Variants in CNTNAP4 observed in about 807,000 individuals in gnomAD.
CNTNAP4 encodes the protein contactin-associated protein-like 4.
A neutral mutation model predicts 148.4 loss-of-function variants in CNTNAP4; 98 were observed. The observed-to-expected ratio is 0.66, with a 90% CI of 0.56 to 0.78. The LOEUF (loss-of-function observed/expected upper bound fraction) is 0.78. Among genes scored for constraint, CNTNAP4 ranks in the 30% least tolerant of loss-of-function variants. CNTNAP4 has a pLI of 0.00. For synonymous variants in CNTNAP4, 730 were observed against 565.1 expected (o/e 1.29, Z -4.14); for missense variants, 1,935 against 1,565.6 (o/e 1.24, Z -3.98).
intron 7 of CNTNAP4, among the ~76,000 whole-genome samples, chr16:76,451,023 C>A (rs954136240): frequency 6.6e-6 from 1 of 152,176 alleles, no homozygotes; most frequent in Non-Finnish European, 1.5e-5. Flanking sequence ...CAGTTGTTGC[C>A]TGTGGGTAGC....
chr16:76,403,617 C>A (rs983497014), intron 3 of CNTNAP4, among the ~76,000 whole-genome samples: 1 of 152,142 alleles, frequency 6.6e-6, no homozygotes, highest in African/African-American at 2.4e-5. Context: ...ATTAATTCAA[C>A]CATTGTGGAA....
At chr16:76,525,678 T>G (rs2083696602) in intron 17 of CNTNAP4, among the ~76,000 whole-genome samples, 2 of 146,274 alleles carry the variant, frequency 1.4e-5, no homozygotes, top group Non-Finnish European at 3.0e-5. Flanking sequence ...ATAATTTATA[T>G]ATAAACATAT....
rs766450399 is a variant in CNTNAP4 at position 76,558,861 on chromosome 16, A to G, written c.*178A>G. The G allele has an allele frequency of 3.5e-5, 17 of 483,728 alleles. No individual in the cohort carries two copies. The highest frequency in any genetic ancestry group is 9.9e-5 in the African/African-American group (5 of 50,666). The allele number at this position is 483,728 out of a possible 1,614,324, so 30.0% of individuals were successfully genotyped here. On this transcript the variant is annotated 3_prime_UTR_variant, in exon 24 of 24. Transcript: ENST00000611870. ...AGCCTCGTCCAGTGATATATTTCTCATAGCATTCATTCTATGGAACAAGAA... is the reference window on the plus strand; with the variant it reads ...AGCCTCGTCCAGTGATATATTTCTCGTAGCATTCATTCTATGGAACAAGAA...
At chr16:76,517,255 G>T (rs562518677) in intron 15 of CNTNAP4, among the ~76,000 whole-genome samples, 2 of 152,190 alleles carry the variant, frequency 1.3e-5, no homozygotes, top group Non-Finnish European at 1.5e-5. Flanking sequence ...GAAGGATGAA[G>T]AATACTGTGG....
At chr16:76,389,433 G>GT (rs1001408222) in intron 3 of CNTNAP4, among the ~76,000 whole-genome samples, 4 of 151,802 alleles carry the variant, frequency 2.6e-5, no homozygotes, top group East Asian at 3.9e-4. Flanking sequence ...GTGCTGTTTA[G>GT]TTTTTTTTGT....
chr16:76,527,542 G>T (rs995892593), intron 17 of CNTNAP4, among the ~76,000 whole-genome samples: 2 of 152,168 alleles, frequency 1.3e-5, no homozygotes, highest in Non-Finnish European at 2.9e-5. Flanking sequence ...TGGGGCAAAT[G>T]AATGAGGTAA....
chr16:76,367,507 A>G (rs1478486160), intron 3 of CNTNAP4, among the ~76,000 whole-genome samples: 1 of 152,214 alleles, frequency 6.6e-6, no homozygotes, highest in Non-Finnish European at 1.5e-5. Flanking sequence ...TTTAGCCTAT[A>G]TGATAGCAAT....
intron 13 of CNTNAP4, among the ~76,000 whole-genome samples, chr16:76,494,029 T>G (rs1224177379): frequency 6.6e-6 from 1 of 152,030 alleles, no homozygotes; most frequent in African/African-American, 2.4e-5. Flanking sequence ...GATTCTATGT[T>G]GCTTACATTC....
At position 76,277,520 on chromosome 16, in the gene CNTNAP4, G is replaced by A; in HGVS notation, c.-143G>A. Reference sequence around the variant, plus strand: ...GAGGAGGGAAGAAGAAAAGACGGAGGGAGGTGAGGAGGAAGGGAGGGGGAG... The same window carrying A: ...GAGGAGGGAAGAAGAAAAGACGGAGAGAGGTGAGGAGGAAGGGAGGGGGAG... On this transcript the variant is annotated 5_prime_UTR_variant, in exon 1 of 24. Transcript: ENST00000611870. 5.0e-6 allele frequency: 3 copies of A among 600,524 alleles called. No individual in the cohort carries two copies. Among genetic ancestry groups the A allele is most frequent in the South Asian group, 4.2e-5 (2 of 48,008 alleles). 37.2% of individuals were successfully genotyped at this position (600,524 alleles called of 1,614,324 possible). A position where few individuals can be genotyped will look rare whatever the true frequency, so the allele number is the denominator to read the frequency against.
intron 12 of CNTNAP4, among the ~76,000 whole-genome samples, chr16:76,487,132 T>A (rs1171490315): frequency 6.6e-6 from 1 of 152,224 alleles, no homozygotes; most frequent in African/African-American, 2.4e-5. Context: ...GCAATTCTAT[T>A]AGTTATCTAC....
rs1471258528 is a variant in CNTNAP4 at position 76,553,186 on chromosome 16, T to G, written c.3443-97T>G. 1.4e-5 allele frequency: 9 copies of G among 641,862 alleles called. No individual in the cohort carries two copies. In the East Asian group the frequency reaches 1.9e-4, roughly 14 times the overall value. The allele number at this position is 641,862 out of a possible 1,614,324, so 39.8% of individuals were successfully genotyped here. On this transcript the variant is annotated intron_variant, in intron 21 of 23. Coordinates refer to ENST00000611870, the MANE Select transcript of CNTNAP4 (RefSeq NM_033401.5). ...AAAATTAAAAAGGAATTTAGTAACTTTATTGCTATTGCATTAGCTCAGAAT... is the reference window on the plus strand; with the variant it reads ...AAAATTAAAAAGGAATTTAGTAACTGTATTGCTATTGCATTAGCTCAGAAT...
At chr16:76,284,583 TA>T (rs2143768872) in intron 1 of CNTNAP4, among the ~76,000 whole-genome samples, 1 of 152,092 alleles carries the variant, frequency 6.6e-6, no homozygotes, top group South Asian at 2.1e-4. Flanking sequence ...AATAGTAGTT[TA>T]CCCATAATTT....
intron 15 of CNTNAP4, among the ~76,000 whole-genome samples, chr16:76,514,951 C>T (rs1006350926): frequency 2.0e-5 from 3 of 152,034 alleles, no homozygotes; most frequent in African/African-American, 7.2e-5. Flanking sequence ...ACATTTAAAG[C>T]ATTTTTACTT....
At chr16:76,491,522 T>G (rs7195366) in intron 13 of CNTNAP4, among the ~76,000 whole-genome samples, 96,328 of 152,082 alleles carry the variant, frequency 0.63, 30,886 homozygotes, top group East Asian at 0.77. Context: ...CATTTCCAGC[T>G]CTCCAGGGCA....
intron 3 of CNTNAP4, among the ~76,000 whole-genome samples, chr16:76,374,798 C>A (rs565671288): frequency 2.0e-5 from 3 of 149,760 alleles, no homozygotes; most frequent in Non-Finnish European, 4.4e-5. Flanking sequence ...AGAGAAGTCT[C>A]GCTCTTGTCC....
At position 76,489,944 on chromosome 16, in the gene CNTNAP4, C is replaced by G. The variant is rs142263288; in HGVS notation, c.2080+61C>G. 72 of 1,158,662 alleles carry G rather than the reference C, an allele frequency of 6.2e-5. No individual in the cohort carries two copies. In the African/African-American group the frequency reaches 9.2e-4, roughly 15 times the overall value. The allele number at this position is 1,158,662 out of a possible 1,614,324, so 71.8% of individuals were successfully genotyped here. A position where few individuals can be genotyped will look rare whatever the true frequency, so the allele number is the denominator to read the frequency against. On this transcript the variant is annotated intron_variant, in intron 13 of 23. Coordinates refer to ENST00000611870, the MANE Select transcript of CNTNAP4 (RefSeq NM_033401.5). ...TCACATCATGCACTTACTCAACTAG[C>G]TCCTGAGAATTTTAAGTCTGCAAAG...
At chr16:76,292,834 G>C (rs112234292) in intron 1 of CNTNAP4, among the ~76,000 whole-genome samples, 46 of 152,100 alleles carry the variant, frequency 3.0e-4, no homozygotes, top group Non-Finnish European at 5.7e-4. Context: ...AAATGAAAAA[G>C]AAAACACTTC....
chr16:76,320,051 C>G (rs932852374), intron 2 of CNTNAP4, among the ~76,000 whole-genome samples: 1 of 152,140 alleles, frequency 6.6e-6, no homozygotes, highest in Admixed American at 6.5e-5. Flanking sequence ...AATTTTGAGG[C>G]ACTTGATAGA....
chr16:76,415,480 A>T (rs372629556), intron 3 of CNTNAP4, among the ~76,000 whole-genome samples: 1 of 151,168 alleles, frequency 6.6e-6, no homozygotes, highest in Non-Finnish European at 1.5e-5. Context: ...TATTTGAATT[A>T]GAATTCAAAG....
Sources: gnomAD v4.1 joint callset for allele counts (sites outside exome capture counted in the v4.1 genomes callset) on GRCh38, gnomAD v4.1.1 for gene constraint, MANE v1.5 for transcripts, NCBI Gene and HGNC (gene_info 2026-07-23, HGNC 2026-07-21) for gene names.